Variants in GNA14 observed in about 807,000 individuals in gnomAD.
GNA14 encodes the protein guanine nucleotide-binding protein subunit alpha-14.
A neutral mutation model predicts 42.0 loss-of-function variants in GNA14; 50 were observed. The observed-to-expected ratio is 1.19, with a 90% CI of 0.95 to 1.51. The LOEUF is 1.51. Ranked by LOEUF, GNA14 falls within the 40% of genes most tolerant of loss-of-function variation. The pLI is 0.00. For missense variants in GNA14, 473 were observed against 446.2 expected (o/e 1.06, Z -0.54); for synonymous variants, 173 against 163.1 (o/e 1.06, Z -0.46).
chr9:77,431,556 C>A (rs1382728760), intron 3 of GNA14, 107 bp from the exon 4 acceptor site: 5 of 934,704 alleles, frequency 5.3e-6, no homozygotes, highest in East Asian at 2.5e-5. Flanking sequence ...CACACAGACA[C>A]ACGAATTCCA....
intron 2 of GNA14, among the ~76,000 whole-genome samples, chr9:77,472,739 G>A (rs1226520123): frequency 6.6e-6 from 1 of 151,836 alleles, no homozygotes; most frequent in Non-Finnish European, 1.5e-5. Context: ...TGAGAGTGGT[G>A]CCGTCACGAT....
chr9:77,543,127 C>T (rs1187311534), intron 1 of GNA14, among the ~76,000 whole-genome samples: 4 of 152,204 alleles, frequency 2.6e-5, no homozygotes, highest in Non-Finnish European at 5.9e-5. Flanking sequence ...TGTGATAGTG[C>T]CTGGCCTCTC....
intron 2 of GNA14, among the ~76,000 whole-genome samples, chr9:77,482,288 T>G (rs1233940547): frequency 1.3e-5 from 2 of 152,178 alleles, no homozygotes; most frequent in Non-Finnish European, 2.9e-5. Flanking sequence ...GTAAAGGATT[T>G]TATTTCTCCT....
At chr9:77,544,152 C>T (rs558363223) in intron 1 of GNA14, among the ~76,000 whole-genome samples, 240 of 152,268 alleles carry the variant, frequency 1.6e-3, no homozygotes, top group Non-Finnish European at 2.5e-3. Flanking sequence ...TAAAGAGTTA[C>T]ACAATTGTGC....
intron 1 of GNA14, among the ~76,000 whole-genome samples, chr9:77,588,589 T>C (rs1031792362): frequency 2.0e-5 from 3 of 152,228 alleles, no homozygotes; most frequent in South Asian, 4.1e-4. Context: ...TCAGAGGATA[T>C]AGAAGCAGGG....
At chr9:77,598,905 ATTAT>A (rs1407574227) in intron 1 of GNA14, among the ~76,000 whole-genome samples, 2 of 152,228 alleles carry the variant, frequency 1.3e-5, no homozygotes, top group Non-Finnish European at 2.9e-5. Flanking sequence ...TGATCCAGTC[ATTAT>A]TTATTTGTTG....
intron 1 of GNA14, among the ~76,000 whole-genome samples, chr9:77,553,497 G>A (rs77262592): frequency 5.3e-5 from 8 of 151,922 alleles, no homozygotes; most frequent in Non-Finnish European, 1.0e-4. Flanking sequence ...GAAAAAAAAA[G>A]CAGGGAAAGT....
chr9:77,530,596 C>A (rs4745641), intron 1 of GNA14, among the ~76,000 whole-genome samples: 104,350 of 152,156 alleles, frequency 0.69, 37,132 homozygotes, highest in Admixed American at 0.78. Context: ...CTGCAAGCTC[C>A]CAGTCGGCAA....
chr9:77,466,643 T>C (rs1397243418), intron 2 of GNA14, among the ~76,000 whole-genome samples: 1 of 152,198 alleles, frequency 6.6e-6, no homozygotes, highest in Non-Finnish European at 1.5e-5. Flanking sequence ...TTTGTTTCCC[T>C]TTCCTGTGCA....
intron 2 of GNA14, among the ~76,000 whole-genome samples, chr9:77,525,209 C>A (rs1168750128): frequency 1.3e-5 from 2 of 152,160 alleles, no homozygotes; most frequent in African/African-American, 4.8e-5. Flanking sequence ...TGGGTAGTTC[C>A]AACAGAGACC....
chr9:77,557,846 A>C (rs1189010511), intron 1 of GNA14, among the ~76,000 whole-genome samples: 1 of 152,180 alleles, frequency 6.6e-6, no homozygotes, highest in Non-Finnish European at 1.5e-5. Context: ...TATATTAGCT[A>C]TTTATGACCA....
chr9:77,431,274 C>T, intron 4 of GNA14, 47 bp downstream of exon 4: 3 of 1,586,438 alleles, frequency 1.9e-6, no homozygotes, highest in Non-Finnish European at 2.6e-6. Context: ...CTGGGGACTT[C>T]CAAGCCTGGG....
intron 2 of GNA14, among the ~76,000 whole-genome samples, chr9:77,480,206 T>C (rs1179901272): frequency 1.3e-5 from 2 of 152,214 alleles, no homozygotes; most frequent in African/African-American, 2.4e-5. Flanking sequence ...ATAGCTCTTA[T>C]TATTTTGAGA....
intron 1 of GNA14, among the ~76,000 whole-genome samples, chr9:77,532,070 T>G (rs756661277): frequency 6.6e-6 from 1 of 151,890 alleles, no homozygotes; most frequent in Non-Finnish European, 1.5e-5. Flanking sequence ...AGACTCACCT[T>G]GCGGAGATCC....
intron 2 of GNA14, among the ~76,000 whole-genome samples, chr9:77,479,165 T>G (rs1225116970): frequency 1.3e-5 from 2 of 152,202 alleles, no homozygotes; most frequent in Non-Finnish European, 2.9e-5. Context: ...GGTCTAACAT[T>G]TAAGTCTTTA....
At chr9:77,476,608 T>A (rs1836428849) in intron 2 of GNA14, among the ~76,000 whole-genome samples, 2 of 152,350 alleles carry the variant, frequency 1.3e-5, no homozygotes, top group South Asian at 4.1e-4. Flanking sequence ...TCAACACATA[T>A]GCTCTCTCCT....
chr9:77,548,935 CTTT>C (rs532648214), intron 1 of GNA14, among the ~76,000 whole-genome samples: 1 of 148,194 alleles, frequency 6.7e-6, no homozygotes, highest in Non-Finnish European at 1.5e-5. Flanking sequence ...GAAAGCCTTT[CTTT>C]TTTTTTTTCT....
intron 1 of GNA14, among the ~76,000 whole-genome samples, chr9:77,615,300 CT>C (rs139522473): frequency 0.022 from 3,285 of 147,666 alleles, 127 homozygotes; most frequent in African/African-American, 0.076. Context: ...GGAGACAATG[CT>C]TTTTTTTTTA....
chr9:77,475,323 G>A (rs1169119679), intron 2 of GNA14, among the ~76,000 whole-genome samples: 6 of 152,124 alleles, frequency 3.9e-5, no homozygotes, highest in Non-Finnish European at 8.8e-5. Context: ...ATGACAAGCA[G>A]AAATAGTTGC....
Sources: allele counts gnomAD v4.1 joint callset (sites outside exome capture counted in the v4.1 genomes callset), GRCh38; gene constraint gnomAD v4.1.1; transcripts MANE v1.5; gene names NCBI Gene and HGNC (gene_info 2026-07-23, HGNC 2026-07-21).